DLC1: variants seen among roughly 807,000 people sequenced by gnomAD.
The protein encoded by DLC1 is rho GTPase-activating protein 7.
DLC1 carries 54 observed loss-of-function variants against 140.3 expected under a neutral mutation model. The ratio of observed to expected loss-of-function variants is 0.38; its 90% CI spans 0.31 to 0.48. DLC1 has a LOEUF of 0.48. Among genes scored for constraint, DLC1 ranks in the 20% least tolerant of loss-of-function variants. The pLI is 0.96. For missense variants in DLC1, 2,536 were observed against 1,907.0 expected, an observed-to-expected ratio of 1.33 and a Z score of -6.14; for synonymous variants, 986 against 728.1, an observed-to-expected ratio of 1.35 and a Z score of -5.70.
intron 5 of DLC1, among the ~76,000 whole-genome samples, chr8:13,165,686 G>A (rs942679177): frequency 1.3e-5 from 2 of 152,126 alleles, no homozygotes; most frequent in East Asian, 3.9e-4. Flanking sequence ...AGCAGTGGAC[G>A]CTCCAATCAA....
At chr8:13,430,061 C>A (rs1422168033) in intron 2 of DLC1, among the ~76,000 whole-genome samples, 1 of 152,118 alleles carries the variant, frequency 6.6e-6, no homozygotes, top group Admixed American at 6.5e-5. Flanking sequence ...CACCCTGGAA[C>A]AATTATAGTA....
intron 14 of DLC1, among the ~76,000 whole-genome samples, chr8:13,090,879 T>C (rs1205143617): frequency 1.3e-5 from 2 of 151,144 alleles, no homozygotes. Flanking sequence ...TATTGGTTCA[T>C]TGCAACCTCC....
intron 2 of DLC1, among the ~76,000 whole-genome samples, chr8:13,415,536 A>C (rs1257820363): frequency 6.6e-6 from 1 of 151,758 alleles, no homozygotes; most frequent in Non-Finnish European, 1.5e-5. Context: ...AGTAGCAGGG[A>C]GTACAGGCTC....
intron 2 of DLC1, among the ~76,000 whole-genome samples, chr8:13,488,393 T>C (rs1801068043): frequency 6.6e-6 from 1 of 152,214 alleles, no homozygotes; most frequent in African/African-American, 2.4e-5. Flanking sequence ...AAATTAGCTA[T>C]AAAGCCAGCA....
At chr8:13,154,843 A>G (rs1388081989) in intron 5 of DLC1, among the ~76,000 whole-genome samples, 1 of 152,232 alleles carries the variant, frequency 6.6e-6, no homozygotes, top group African/African-American at 2.4e-5. Context: ...TCAATTTTTC[A>G]CTTAGAAATA....
intron 5 of DLC1, among the ~76,000 whole-genome samples, chr8:13,296,740 A>T (rs1831973547): frequency 6.6e-6 from 1 of 151,856 alleles, no homozygotes; most frequent in Non-Finnish European, 1.5e-5. Context: ...TCTTAGCCTG[A>T]TATAGCATAA....
intron 4 of DLC1, among the ~76,000 whole-genome samples, chr8:13,330,815 C>T (rs951139542): frequency 2.0e-5 from 3 of 152,166 alleles, no homozygotes; most frequent in African/African-American, 7.2e-5. Flanking sequence ...TGTGCCTCTA[C>T]AAACTGAACA....
intron 4 of DLC1, among the ~76,000 whole-genome samples, chr8:13,351,180 A>G (rs951851493): frequency 3.3e-5 from 5 of 152,358 alleles, no homozygotes; most frequent in Non-Finnish European, 5.9e-5. Flanking sequence ...TGTGTATAGT[A>G]TCTGTTCTAT....
chr8:13,104,175 G>T (rs778386466), intron 7 of DLC1, among the ~76,000 whole-genome samples: 1 of 151,904 alleles, frequency 6.6e-6, no homozygotes, highest in Non-Finnish European at 1.5e-5. Flanking sequence ...AAGAATTTGC[G>T]TACTGTAACT....
intron 5 of DLC1, among the ~76,000 whole-genome samples, chr8:13,136,035 C>A (rs1199512834): frequency 6.6e-6 from 1 of 152,164 alleles, no homozygotes; most frequent in Admixed American, 6.5e-5. Context: ...TGACAAGGGC[C>A]AAGCCCCAAT....
chr8:13,266,563 G>T (rs533526159), intron 5 of DLC1, among the ~76,000 whole-genome samples: 1 of 152,088 alleles, frequency 6.6e-6, no homozygotes, highest in South Asian at 2.1e-4. Flanking sequence ...TGGCCAACAT[G>T]GTGAAACCCC....
At chr8:13,413,256 A>ATGTTTTTTTTTTTTTTTTTTTT (rs1837875443) in intron 2 of DLC1, among the ~76,000 whole-genome samples, 1 of 82,006 alleles carries the variant, frequency 1.2e-5, no homozygotes, top group Non-Finnish European at 2.3e-5. Context: ...TTTTTTTGCG[A>ATGTTTTTTTTTTTTTTTTTTTT]TTTTTTTTTT....
chr8:13,182,227 T>C (rs551035144), intron 5 of DLC1, among the ~76,000 whole-genome samples: 1 of 150,948 alleles, frequency 6.6e-6, no homozygotes, highest in Non-Finnish European at 1.5e-5. Flanking sequence ...TCTTTGTAGA[T>C]TCAGATGGGT....
intron 1 of DLC1, among the ~76,000 whole-genome samples, chr8:13,571,543 A>T (rs1009035400): frequency 1.3e-5 from 2 of 152,332 alleles, no homozygotes; most frequent in African/African-American, 4.8e-5. Context: ...TTTATAGCTG[A>T]GTAATATTCC....
intron 2 of DLC1, among the ~76,000 whole-genome samples, chr8:13,487,577 C>CTT (rs36124888): frequency 0.023 from 3,283 of 143,708 alleles, 139 homozygotes; most frequent in African/African-American, 0.079. Context: ...AAATGTTTTC[C>CTT]TTTTTTTTTT....
chr8:13,218,986 A>T lies in DLC1; in HGVS notation c.1348+86283T>A, dbSNP rs1345847464. ...TATAATTATATACGTATATAACTATATAATTATATACGAATATAATTATAT... is the reference window on the plus strand; with the variant it reads ...TATAATTATATACGTATATAACTATTTAATTATATACGAATATAATTATAT... On this transcript the variant is annotated intron_variant, in intron 5 of 17. Transcript: ENST00000276297. Among the ~76,000 whole-genome samples the T allele has an allele frequency of 1.6e-5, 2 of 123,484 alleles. 1 individual carries two copies. Among genetic ancestry groups the T allele is most frequent in the Non-Finnish European group, 3.2e-5 (2 of 62,912 alleles). 81.0% of individuals were successfully genotyped at this position (123,484 alleles called of 152,430 possible).
intron 5 of DLC1, among the ~76,000 whole-genome samples, chr8:13,286,888 T>C (rs1032547813): frequency 2.0e-5 from 3 of 152,122 alleles, no homozygotes; most frequent in African/African-American, 7.2e-5. Context: ...TGTGTTTGCA[T>C]GACTTGAAAC....
intron 1 of DLC1, chr8:13,567,077 C>G (rs1489398843): frequency 1.3e-6 from 2 of 1,551,632 alleles, no homozygotes; most frequent in Admixed American, 2.0e-5. Context: ...AAGAACTCTA[C>G]TGATGAGGTA....
chr8:13,603,754 T>C (rs1805962514), intron 1 of DLC1, among the ~76,000 whole-genome samples: 2 of 152,066 alleles, frequency 1.3e-5, no homozygotes, highest in Non-Finnish European at 2.9e-5. Context: ...CCATTAGTGT[T>C]ATAGGTTGCT....
Sources: allele counts gnomAD v4.1 joint callset (sites outside exome capture counted in the v4.1 genomes callset), GRCh38; gene constraint gnomAD v4.1.1; transcripts MANE v1.5; gene names NCBI Gene and HGNC (gene_info 2026-07-23, HGNC 2026-07-21).